Variants in BNIP2 observed in about 807,000 individuals in gnomAD.
BNIP2 encodes the protein BCL2/adenovirus E1B 19 kDa protein-interacting protein 2.
BNIP2 carries 36 observed loss-of-function variants against 43.4 expected under a neutral mutation model. The ratio of observed to expected loss-of-function variants is 0.83; its 90% confidence interval spans 0.64 to 1.10. The LOEUF (loss-of-function observed/expected upper bound fraction) is 1.10. Among genes scored for constraint, BNIP2 ranks in the 50% least tolerant of loss-of-function variants. The probability of loss-of-function intolerance (pLI) is 0.00; values close to 1 mark genes in which losing one functional copy is unlikely to be tolerated. For synonymous variants in BNIP2, 146 were observed against 121.0 expected (o/e 1.21, Z -1.35); for missense variants, 417 against 374.1 (o/e 1.11, Z -0.95).
intron 1 of BNIP2, among the ~76,000 whole-genome samples, chr15:59,688,333 C>T (rs1222262193): frequency 6.6e-6 from 1 of 152,104 alleles, no homozygotes; most frequent in Non-Finnish European, 1.5e-5. Flanking sequence ...AGAAAAACTA[C>T]ATTTAATTGA....
rs1368351253 is a variant in BNIP2, at chr15:59,662,741, T to C, written c.*1328A>G. ...TACAGGAAGGGTTGAAGAGTAGCCA[T>C]GACCTTCAAATTTGGAAGGTATTAT... On this transcript the variant is annotated 3_prime_UTR_variant, in exon 10 of 10. Coordinates refer to ENST00000607373, the MANE Select transcript of BNIP2 (RefSeq NM_004330.4). 3.3e-5 allele frequency: 5 copies of C among 152,218 alleles called. No homozygotes were observed. The highest frequency in any genetic ancestry group is 1.2e-4 in the African/African-American group (5 of 41,460). 9.4% of individuals were successfully genotyped at this position (152,218 alleles called of 1,614,324 possible).
chr15:59,664,123 GT>G lies in BNIP2; in HGVS notation c.894-4del. On this transcript the variant is annotated splice_polypyrimidine_tract_variant and splice_region_variant and intron_variant, in intron 9 of 9. Coordinates refer to ENST00000607373, the MANE Select transcript of BNIP2 (RefSeq NM_004330.4). Reference sequence around the variant, plus strand: ...TTCCATTAAGTTCTTGATCAACTCTGTTTAATGAAGAATATATAAAATAAGA... The same window carrying G: ...TTCCATTAAGTTCTTGATCAACTCTGTTAATGAAGAATATATAAAATAAGA... The G allele has an allele frequency of 6.6e-7, 1 of 1,519,326 alleles. No individual in the cohort carries two copies. Among genetic ancestry groups the G allele is most frequent in the South Asian group, 1.3e-5 (1 of 79,538 alleles). The allele number at this position is 1,519,326 out of a possible 1,614,324, so 94.1% of individuals were successfully genotyped here. A position where few individuals can be genotyped will look rare whatever the true frequency, so the allele number is the denominator to read the frequency against.
Position 59,661,452 on chromosome 15 carries a change from C to T in BNIP2, c.*2617G>A, listed in dbSNP as rs1397764289. The T allele has an allele frequency of 6.6e-6, 1 of 152,124 alleles. No homozygotes were observed. The highest frequency in any genetic ancestry group is 1.5e-5 in the Non-Finnish European group (1 of 68,042). The allele number at this position is 152,124 out of a possible 1,614,324, so 9.4% of individuals were successfully genotyped here. A position where few individuals can be genotyped will look rare whatever the true frequency, so the allele number is the denominator to read the frequency against. ...TCCTACTTTTATCACTTTCCAATGCCTCTGCTAGACCCTACTTAGAATCAT... is the reference window on the plus strand; with the variant it reads ...TCCTACTTTTATCACTTTCCAATGCTTCTGCTAGACCCTACTTAGAATCAT... On this transcript the variant is annotated 3_prime_UTR_variant, in exon 10 of 10. Transcript: ENST00000607373.
intron 7 of BNIP2, among the ~76,000 whole-genome samples, chr15:59,670,190 G>T (rs1892811324): frequency 6.6e-6 from 1 of 152,228 alleles, no homozygotes; most frequent in South Asian, 2.1e-4. Flanking sequence ...AGCACTTTGG[G>T]AGGCTGAGGC....
chr15:59,676,052 A>T (rs1268709604), intron 5 of BNIP2, among the ~76,000 whole-genome samples: 1 of 152,202 alleles, frequency 6.6e-6, no homozygotes, highest in Non-Finnish European at 1.5e-5. Context: ...ATATATGGTT[A>T]TATAGGCATT....
In BNIP2 at chr15:59,688,703, T is replaced by G. The variant is rs570126785; in HGVS notation, c.-58+432A>C. On this transcript the variant is annotated intron_variant, in intron 1 of 9. Transcript: ENST00000607373. The stretch of plus-strand genomic sequence containing the variant: ...GCCCTGATTACTTATGCTGCTTCCG[T>G]GTCTATTCCCCGCGGTTACGAGGCA... The G allele has an allele frequency of 1.4e-5, 21 of 1,535,162 alleles. No individual in the cohort carries two copies. In the East Asian group the frequency reaches 5.1e-4, roughly 38 times the overall value.
intron 2 of BNIP2, among the ~76,000 whole-genome samples, chr15:59,680,946 T>C (rs1409093576): frequency 1.3e-5 from 2 of 152,196 alleles, no homozygotes; most frequent in East Asian, 1.9e-4. Context: ...TATACACTTA[T>C]TATATATAAG....
chr15:59,683,671 T>C lies in BNIP2; in HGVS notation c.-57-1157A>G, dbSNP rs149447205. 4.5e-3 allele frequency among the ~76,000 whole-genome samples: 684 copies of C among 152,060 alleles called. 9 individuals carry two copies. Among genetic ancestry groups the C allele is most frequent in the African/African-American group, 0.015 (637 of 41,468 alleles). On this transcript the variant is annotated intron_variant, in intron 1 of 9. Transcript: ENST00000607373. ...GTCTCTACTAAAAATACAAAAACAT[T>C]AGCCGGATGTGGTGGCAGGCGCCTG... is the stretch of plus-strand genomic sequence containing the variant.
intron 1 of BNIP2, among the ~76,000 whole-genome samples, chr15:59,686,741 G>C (rs1419827708): frequency 6.6e-6 from 1 of 152,156 alleles, no homozygotes; most frequent in African/African-American, 2.4e-5. Context: ...CACAAGCCGG[G>C]CATGGTGGCT....
chr15:59,676,976 T>G, intron 5 of BNIP2: 1 of 1,613,536 alleles, frequency 6.2e-7, no homozygotes, highest in Non-Finnish European at 8.5e-7. Context: ...CATCACCCTC[T>G]TAGGTCTGCT....
chr15:59,667,515 A>C (rs1223342482), intron 9 of BNIP2, among the ~76,000 whole-genome samples: 3 of 152,230 alleles, frequency 2.0e-5, no homozygotes. Context: ...GAAGTGTTCA[A>C]AATTAAATTT....
At position 59,680,319 on chromosome 15, in the gene BNIP2, C is replaced by G. The variant is rs780985530; in HGVS notation, c.51-11G>C. On this transcript the variant is annotated splice_polypyrimidine_tract_variant and intron_variant, in intron 2 of 9. Coordinates refer to ENST00000607373, the MANE Select transcript of BNIP2 (RefSeq NM_004330.4). ...TCTTCTGGTAAAGGTCTAGAAGACA[C>G]AGGCATACTTTTTAATCCAGAAATT... 5.7e-6 allele frequency: 9 copies of G among 1,582,050 alleles called. No individual in the cohort carries two copies. Among genetic ancestry groups the G allele is most frequent in the African/African-American group, 2.7e-5 (2 of 74,038 alleles).
intron 1 of BNIP2, 23 bp downstream of exon 1, chr15:59,689,112 G>A: frequency 6.5e-7 from 1 of 1,530,310 alleles, no homozygotes; most frequent in Non-Finnish European, 8.7e-7. Flanking sequence ...CCACCGTGCC[G>A]AGTTCTCCCA....
chr15:59,688,190 A>T (rs6151442), intron 1 of BNIP2, among the ~76,000 whole-genome samples: 58,530 of 152,112 alleles, frequency 0.38, 11,764 homozygotes, highest in East Asian at 0.56. Flanking sequence ...AACTAAGAAT[A>T]TGTGCAAAAT....
intron 7 of BNIP2, among the ~76,000 whole-genome samples, 194 bp downstream of exon 7, chr15:59,670,989 C>T (rs1479505012): frequency 6.6e-6 from 1 of 150,992 alleles, no homozygotes; most frequent in East Asian, 1.9e-4. Flanking sequence ...AGGAGAATCG[C>T]TTGAACCTGG....
In BNIP2 at chr15:59,672,714, G is replaced by A; in HGVS notation, c.498C>T (p.Ala166=). The A allele has an allele frequency of 3.1e-6, 5 of 1,613,628 alleles. No individual in the cohort carries two copies. Among genetic ancestry groups the A allele is most frequent in the South Asian group, 1.1e-5 (1 of 91,062 alleles). Residue 166 remains alanine (A), a synonymous_variant, in exon 6 of 10, where the codon GCC becomes GCT. Transcript: ENST00000607373. ...HGGYYGDGLN[A]IVVFAVCFMP... ...TGAAACAGACAGCAAACACAACAAT[G>A]GCATTTAATCCATCCCCATAATATC...
intron 1 of BNIP2, among the ~76,000 whole-genome samples, chr15:59,684,046 A>C (rs6151470): frequency 2.0e-5 from 3 of 152,056 alleles, no homozygotes; most frequent in East Asian, 3.9e-4. Flanking sequence ...CAAAGTTACA[A>C]AGAAAAAAGC....
At chr15:59,687,630 C>A (rs1368709810) in intron 1 of BNIP2, among the ~76,000 whole-genome samples, 1 of 152,096 alleles carries the variant, frequency 6.6e-6, no homozygotes, top group Non-Finnish European at 1.5e-5. Context: ...ACCTTGGCCA[C>A]CCAAAGTAAC....
Position 59,667,430 on chromosome 15 carries a change from T to G in BNIP2, c.893+1462A>C, listed in dbSNP as rs1350359823. On this transcript the variant is annotated intron_variant, in intron 9 of 9. Coordinates refer to ENST00000607373, the MANE Select transcript of BNIP2 (RefSeq NM_004330.4). ...TTTTCTAAATTATTATACAAAATTC[T>G]AAGTATTTTATACCCTTGCCTTTCA... 2.0e-5 allele frequency among the ~76,000 whole-genome samples: 3 copies of G among 152,240 alleles called. No homozygotes were observed. In the East Asian group the frequency reaches 5.8e-4, roughly 29 times the overall value.
Sources: gnomAD v4.1 joint callset for allele counts (sites outside exome capture counted in the v4.1 genomes callset) on GRCh38, gnomAD v4.1.1 for gene constraint, MANE v1.5 for transcripts, NCBI Gene and HGNC (gene_info 2026-07-23, HGNC 2026-07-21) for gene names.